Variants in MTRF1L observed in about 807,000 individuals in gnomAD.
MTRF1L encodes the protein peptide chain release factor 1-like, mitochondrial.
A neutral mutation model predicts 40.0 loss-of-function variants in MTRF1L; 29 were observed. That is an observed-to-expected ratio of 0.73 (90% CI 0.54 to 0.99). MTRF1L has a LOEUF of 0.99. Ranked by LOEUF, MTRF1L falls within the 50% of genes least tolerant of loss-of-function variation. The pLI is 0.00. For synonymous variants in MTRF1L, 150 were observed against 175.8 expected (o/e 0.85, Z 1.16); for missense variants, 412 against 464.5 (o/e 0.89, Z 1.04).
rs927619893 is a variant in MTRF1L, at chr6:153,002,665, C to A, written c.21G>T (p.Trp7Cys). 1 of 1,499,898 alleles carries A rather than the reference C, an allele frequency of 6.7e-7. No homozygotes were observed. The highest frequency in any genetic ancestry group is 2.6e-5 in the Admixed American group (1 of 39,088). 92.9% of individuals were successfully genotyped at this position (1,499,898 alleles called of 1,614,324 possible). A position where few individuals can be genotyped will look rare whatever the true frequency, so the allele number is the denominator to read the frequency against. ...GGGGCCAGAGCCACCGGGCAGCGCC[C>A]CACAGAACCCGGGACCGCATCCTTA... MRSRVLWGAARWLWPRR... is the reference protein window; with the variant it reads MRSRVLCGAARWLWPRR... Residue 7 changes from tryptophan (W) to cysteine (C), a missense_variant, in exon 1 of 7, where the codon TGG becomes TGT. Transcript: ENST00000367233.
chr6:152,995,129 T>G lies in MTRF1L; in HGVS notation c.523+7A>C. 1 of 1,597,058 alleles carries G rather than the reference T, an allele frequency of 6.3e-7. No homozygotes were observed. Among genetic ancestry groups the G allele is most frequent in the Non-Finnish European group, 8.5e-7 (1 of 1,172,794 alleles). ...TTTACCTGAAACAAAATGAATAGTT[T>G]ACTGACCTAGTTCACTTGGAAAATA... is the stretch of plus-strand genomic sequence containing the variant. On this transcript the variant is annotated splice_region_variant and intron_variant, in intron 3 of 6. Transcript: ENST00000367233.
intron 4 of MTRF1L, among the ~76,000 whole-genome samples, chr6:152,994,099 A>G (rs1370167644): frequency 1.3e-5 from 2 of 152,204 alleles, no homozygotes; most frequent in Non-Finnish European, 2.9e-5. Context: ...GTATAACAAT[A>G]TACTTTCATT....
At chr6:153,001,122 C>T (rs1584108232) in intron 1 of MTRF1L, among the ~76,000 whole-genome samples, 2 of 152,270 alleles carry the variant, frequency 1.3e-5, no homozygotes, top group Non-Finnish European at 2.9e-5. Flanking sequence ...ATCGGCCCAC[C>T]TGAGCCTCTC....
At chr6:152,994,466 G>C (rs1778638000) in intron 4 of MTRF1L, 47 bp downstream of exon 4, 1 of 1,518,038 alleles carries the variant, frequency 6.6e-7, no homozygotes, top group Admixed American at 2.1e-5. Context: ...TGGGGACAAG[G>C]CACTGTGCTA....
In MTRF1L at chr6:152,994,495, G is replaced by T; in HGVS notation, c.687+18C>A. On this transcript the variant is annotated intron_variant, in intron 4 of 6. Transcript: ENST00000367233. Reference sequence around the variant, plus strand: ...TGTGCTAGGCCCGGGATTCCAAGGAGAGGGGCTTATGCCTTACCTCAGTAG... The same window carrying T: ...TGTGCTAGGCCCGGGATTCCAAGGATAGGGGCTTATGCCTTACCTCAGTAG... 1 of 1,591,668 alleles carries T rather than the reference G, an allele frequency of 6.3e-7. No homozygotes were observed. Among genetic ancestry groups the T allele is most frequent in the Non-Finnish European group, 8.6e-7 (1 of 1,169,548 alleles).
At chr6:152,992,012 A>AT (rs1762931880) in intron 5 of MTRF1L, among the ~76,000 whole-genome samples, 18 of 145,980 alleles carry the variant, frequency 1.2e-4, no homozygotes, top group Admixed American at 1.2e-3. Flanking sequence ...AAATCACTTA[A>AT]CTTTTTTAGG....
At position 153,002,568 on chromosome 6, in the gene MTRF1L, C is replaced by T; in HGVS notation, c.118G>A (p.Gly40Ser). 1.3e-6 allele frequency: 2 copies of T among 1,574,060 alleles called. No individual in the cohort carries two copies. The highest frequency in any genetic ancestry group is 1.7e-6 in the Non-Finnish European group (2 of 1,161,136). ...SPPLEELFTRGGPLRTFLERQ... is the reference protein window; with the variant it reads ...SPPLEELFTRSGPLRTFLERQ... ...TCGAGGAAGGTCCGCAAGGGCCCGC[C>T]CCGGGTGAACAGCTCCTCCAGCGGC... The change falls in exon 1 of 7, where the codon GGC (glycine) becomes AGC (serine). Residue 40 changes from glycine (G) to serine (S), a missense_variant. Transcript: ENST00000367233.
At chr6:152,999,159 G>A (rs1013756197) in intron 1 of MTRF1L, among the ~76,000 whole-genome samples, 9 of 152,092 alleles carry the variant, frequency 5.9e-5, no homozygotes, top group African/African-American at 1.7e-4. Flanking sequence ...ATGTTTATAC[G>A]AAGTACTCCT....
chr6:152,991,964 T>C (rs1311769536), intron 5 of MTRF1L, among the ~76,000 whole-genome samples: 2 of 152,230 alleles, frequency 1.3e-5, no homozygotes, highest in Non-Finnish European at 2.9e-5. Context: ...CAACTACTTA[T>C]AGAAACTACG....
intron 1 of MTRF1L, among the ~76,000 whole-genome samples, chr6:152,999,121 T>G (rs1031729533): frequency 6.6e-5 from 10 of 152,184 alleles, no homozygotes; most frequent in African/African-American, 2.4e-4. Context: ...CCAAAAACAT[T>G]TATTAGATTC....
chr6:152,998,811 C>A, intron 1 of MTRF1L, 182 bp from the exon 2 acceptor site: 1 of 361,552 alleles, frequency 2.8e-6, no homozygotes, highest in Non-Finnish European at 4.9e-6. Context: ...TCAATTTCAC[C>A]ATTTTATACA....
At chr6:152,996,060 A>G (rs1361673154) in intron 2 of MTRF1L, among the ~76,000 whole-genome samples, 1 of 152,214 alleles carries the variant, frequency 6.6e-6, no homozygotes, top group Non-Finnish European at 1.5e-5. Context: ...TCTTTAATAT[A>G]TGGCAGGCAT....
At chr6:152,998,143 C>T (rs1216578091) in intron 2 of MTRF1L, 1 of 145,678 alleles carries the variant, frequency 6.9e-6, no homozygotes, top group Non-Finnish European at 1.5e-5. Context: ...CCCATGTCTA[C>T]CTCCAGTCTT....
chr6:152,990,826 A>G (rs908157915), intron 6 of MTRF1L, among the ~76,000 whole-genome samples: 7 of 152,148 alleles, frequency 4.6e-5, no homozygotes, highest in African/African-American at 1.7e-4. Context: ...CTCCATGTCA[A>G]TAACAAACAA....
intron 6 of MTRF1L, 36 bp from the exon 7 acceptor site, chr6:152,990,131 T>G (rs766730829): frequency 3.1e-6 from 5 of 1,598,178 alleles, no homozygotes; most frequent in Non-Finnish European, 4.3e-6. Flanking sequence ...GCAGCTAGAT[T>G]CAGGGCAATT....
chr6:152,998,398 C>T (rs1778791370), intron 2 of MTRF1L, 152 bp downstream of exon 2: 4 of 490,302 alleles, frequency 8.2e-6, no homozygotes, highest in South Asian at 4.1e-5. Context: ...TTTTGGGGGT[C>T]AATTTATACC....
intron 2 of MTRF1L, among the ~76,000 whole-genome samples, chr6:152,996,152 A>G (rs1778707325): frequency 6.6e-6 from 1 of 152,222 alleles, no homozygotes; most frequent in African/African-American, 2.4e-5. Flanking sequence ...TGTGAAACTA[A>G]TTTTACAGGG....
chr6:152,990,251 T>A (rs1778459585), intron 6 of MTRF1L, 156 bp from the exon 7 acceptor site: 1 of 1,079,882 alleles, frequency 9.3e-7, no homozygotes. Flanking sequence ...CATGGGAACA[T>A]GATATAGAAA....
chr6:152,991,378 A>G, intron 5 of MTRF1L, 57 bp from the exon 6 acceptor site: 1 of 1,474,144 alleles, frequency 6.8e-7, no homozygotes, highest in South Asian at 1.3e-5. Context: ...TTTACTTATT[A>G]TCAAGGAATA....
Sources: gnomAD v4.1 joint callset for allele counts (sites outside exome capture counted in the v4.1 genomes callset) on GRCh38, gnomAD v4.1.1 for gene constraint, MANE v1.5 for transcripts, NCBI Gene and HGNC (gene_info 2026-07-23, HGNC 2026-07-21) for gene names.